SYNPR: variants seen among roughly 807,000 people sequenced by gnomAD.
SYNPR encodes the protein synaptoporin.
A neutral mutation model predicts 32.9 loss-of-function variants in SYNPR; 23 were observed. That is an observed-to-expected ratio of 0.70 (90% CI 0.50 to 0.99). SYNPR has a LOEUF of 0.99. Among genes scored for constraint, SYNPR ranks in the 50% least tolerant of loss-of-function variants. The probability of loss-of-function intolerance (pLI) is 0.00; values close to 1 mark genes in which losing one functional copy is unlikely to be tolerated. For missense variants in SYNPR, 318 were observed against 349.3 expected (o/e 0.91, Z 0.71); for synonymous variants, 146 against 135.9 (o/e 1.07, Z -0.52).
intron 2 of SYNPR, among the ~76,000 whole-genome samples, chr3:63,437,914 G>A (rs1050326125): frequency 6.6e-6 from 1 of 152,164 alleles, no homozygotes; most frequent in Non-Finnish European, 1.5e-5. Flanking sequence ...GGGTCCATTA[G>A]TTCAGCCTGC....
Position 63,516,547 on chromosome 3 carries a change from G to A in SYNPR, c.209+35591G>A, listed in dbSNP as rs148947905. On this transcript the variant is annotated intron_variant, in intron 3 of 5. Coordinates refer to ENST00000478300, the MANE Select transcript of SYNPR (RefSeq NM_001130003.2). Reference sequence around the variant, plus strand: ...TTGACCATTATACAGTGCAGACATCGTAACCTCTCAACAACCTTGTAAGAC... The same window carrying A: ...TTGACCATTATACAGTGCAGACATCATAACCTCTCAACAACCTTGTAAGAC... Among the ~76,000 whole-genome samples the A allele has an allele frequency of 3.3e-3, 504 of 152,194 alleles. 4 individuals carry two copies. Among genetic ancestry groups the A allele is most frequent in the African/African-American group, 0.011 (464 of 41,546 alleles).
At chr3:63,441,567 G>C (rs11707206) in intron 2 of SYNPR, among the ~76,000 whole-genome samples, 1 of 151,928 alleles carries the variant, frequency 6.6e-6, no homozygotes. Context: ...CTTAAATGCC[G>C]GGTGATTCTA....
intron 2 of SYNPR, among the ~76,000 whole-genome samples, chr3:63,327,200 C>G (rs964594047): frequency 6.6e-6 from 1 of 151,924 alleles, no homozygotes. Context: ...AAAATGTGAT[C>G]CCACCAAAAT....
chr3:63,482,589 C>G (rs1300433351), intron 3 of SYNPR, among the ~76,000 whole-genome samples: 1 of 152,142 alleles, frequency 6.6e-6, no homozygotes, highest in Non-Finnish European at 1.5e-5. Flanking sequence ...AACCACTGTT[C>G]TAGGATTTAG....
chr3:63,568,338 C>T lies in SYNPR; in HGVS notation c.408+11597C>T, dbSNP rs182628332. ...TGCTCTTCACCACAGTGCTGTATTG[C>T]CACCCCATTTTTTACCTGGAAGTGG... On this transcript the variant is annotated intron_variant, in intron 4 of 5. Coordinates refer to ENST00000478300, the MANE Select transcript of SYNPR (RefSeq NM_001130003.2). Among the ~76,000 whole-genome samples the T allele has an allele frequency of 4.6e-5, 7 of 152,216 alleles. No individual in the cohort carries two copies. The East Asian group carries it at 1.4e-3, about 29-fold the overall frequency.
intron 2 of SYNPR, among the ~76,000 whole-genome samples, chr3:63,467,203 T>C (rs1700700452): frequency 6.6e-6 from 1 of 152,102 alleles, no homozygotes. Context: ...TTAATTTATT[T>C]ATTTTGTAGA....
At chr3:63,537,470 C>A (rs1702230644) in intron 3 of SYNPR, among the ~76,000 whole-genome samples, 1 of 152,094 alleles carries the variant, frequency 6.6e-6, no homozygotes, top group Non-Finnish European at 1.5e-5. Context: ...AAATCATACT[C>A]CATGGTAATC....
intron 4 of SYNPR, among the ~76,000 whole-genome samples, chr3:63,606,417 C>CTTTTTTGTT (rs1700120876): frequency 1.5e-5 from 1 of 68,300 alleles, no homozygotes; most frequent in Non-Finnish European, 2.9e-5. Flanking sequence ...CAAATCCTTT[C>CTTTTTTGTT]TTTTTTTTTT....
intron 3 of SYNPR, among the ~76,000 whole-genome samples, chr3:63,551,032 T>C (rs1024664301): frequency 6.6e-6 from 1 of 152,208 alleles, no homozygotes; most frequent in African/African-American, 2.4e-5. Context: ...TATCGGGACA[T>C]AATTCACATA....
chr3:63,250,070 T>C (rs574682625), intron 1 of SYNPR, among the ~76,000 whole-genome samples: 21 of 152,186 alleles, frequency 1.4e-4, no homozygotes, highest in Non-Finnish European at 2.6e-4. Flanking sequence ...AGTTAACAGA[T>C]ACAAAATTAC....
At chr3:63,270,596 G>T (rs1022942387) in intron 3 of SYNPR, among the ~76,000 whole-genome samples, 1 of 152,104 alleles carries the variant, frequency 6.6e-6, no homozygotes, top group East Asian at 1.9e-4. Context: ...CAGTTAGAAG[G>T]TATAAAATTT....
At chr3:63,573,541 A>G (rs765494517) in intron 4 of SYNPR, among the ~76,000 whole-genome samples, 8 of 152,204 alleles carry the variant, frequency 5.3e-5, no homozygotes, top group Non-Finnish European at 8.8e-5. Context: ...ATCAGAATGA[A>G]TGCTGGGAGC....
intron 2 of SYNPR, among the ~76,000 whole-genome samples, chr3:63,412,396 T>C (rs760497857): frequency 6.6e-6 from 1 of 152,148 alleles, no homozygotes; most frequent in South Asian, 2.1e-4. Flanking sequence ...AAGCTCAAGT[T>C]TGGAACATTC....
chr3:63,480,181 G>T (rs547340256), intron 2 of SYNPR, among the ~76,000 whole-genome samples: 1 of 152,254 alleles, frequency 6.6e-6, no homozygotes, highest in East Asian at 1.9e-4. Flanking sequence ...TCTACACCAG[G>T]ATAGACCATG....
At chr3:63,217,884 G>A in the SYNPR span, among the ~76,000 whole-genome samples, 2 of 152,216 alleles carry the variant, frequency 1.3e-5, no homozygotes, top group East Asian at 1.9e-4. Context: ...CACTTAAGAG[G>A]AATTGCAAAT....
At chr3:63,498,836 A>G (rs61731828) in intron 3 of SYNPR, among the ~76,000 whole-genome samples, 475 of 151,990 alleles carry the variant, frequency 3.1e-3, no homozygotes, top group African/African-American at 0.011. Flanking sequence ...GAAGTAGGCC[A>G]GCCATGGTGG....
At chr3:63,300,113 A>G (rs1457449599) in intron 2 of SYNPR, among the ~76,000 whole-genome samples, 2 of 152,062 alleles carry the variant, frequency 1.3e-5, no homozygotes, top group East Asian at 3.9e-4. Flanking sequence ...TAATGGTTCC[A>G]AGCTTCCCTG....
chr3:63,360,951 G>A (rs2087651271), intron 2 of SYNPR, among the ~76,000 whole-genome samples: 1 of 152,152 alleles, frequency 6.6e-6, no homozygotes, highest in Admixed American at 6.5e-5. Context: ...CATGAAGGCA[G>A]GAGATACATG....
chr3:63,347,084 C>G (rs1560199998), intron 2 of SYNPR, among the ~76,000 whole-genome samples: 1 of 152,100 alleles, frequency 6.6e-6, no homozygotes, highest in Non-Finnish European at 1.5e-5. Flanking sequence ...GAAAAATTAA[C>G]TGAGATAATG....
Sources: allele counts gnomAD v4.1 joint callset (sites outside exome capture counted in the v4.1 genomes callset), GRCh38; gene constraint gnomAD v4.1.1; transcripts MANE v1.5; gene names NCBI Gene and HGNC (gene_info 2026-07-23, HGNC 2026-07-21).